The following LRRTM3 variants were observed in gnomAD, a reference collection of about 807,000 sequenced individuals.
LRRTM3 encodes the protein leucine rich repeat transmembrane neuronal 3.
A neutral mutation model predicts 44.7 loss-of-function variants in LRRTM3; 24 were observed. The observed-to-expected ratio is 0.54, with a 90% CI of 0.39 to 0.76. LRRTM3 has a LOEUF of 0.76. LRRTM3 is among the 30% of genes least tolerant of loss of function. The pLI, the probability that LRRTM3 is intolerant of heterozygous loss-of-function variation, is 0.00. For missense variants in LRRTM3, 587 were observed against 702.2 expected (o/e 0.84, Z 1.85); for synonymous variants, 277 against 278.7 (o/e 0.99, Z 0.06).
chr10:67,070,238 A>G (rs1175174394), intron 2 of LRRTM3, among the ~76,000 whole-genome samples: 2 of 151,784 alleles, frequency 1.3e-5, no homozygotes, highest in Admixed American at 6.6e-5. Context: ...TCACTTTTTT[A>G]TTGGATTGTC....
intron 2 of LRRTM3, among the ~76,000 whole-genome samples, chr10:67,079,773 G>A (rs1005559999): frequency 4.6e-5 from 7 of 151,772 alleles, no homozygotes; most frequent in East Asian, 1.9e-4. Context: ...TCTTGAACCC[G>A]GGAGGCGGAT....
intron 2 of LRRTM3, among the ~76,000 whole-genome samples, chr10:67,065,855 A>G (rs1345691986): frequency 1.3e-5 from 2 of 152,138 alleles, no homozygotes; most frequent in Non-Finnish European, 2.9e-5. Context: ...TCTTTGACAT[A>G]ATTCAGTAGG....
chr10:67,082,366 G>A (rs138418774), intron 2 of LRRTM3, among the ~76,000 whole-genome samples: 9 of 152,188 alleles, frequency 5.9e-5, no homozygotes, highest in African/African-American at 1.4e-4. Flanking sequence ...CACAAATTGC[G>A]ATTTCGCTAG....
chr10:67,085,214 C>G (rs17280801), intron 2 of LRRTM3, among the ~76,000 whole-genome samples: 1,832 of 151,854 alleles, frequency 0.012, 32 homozygotes, highest in South Asian at 0.045. Context: ...TTGTTTTGAT[C>G]AAAGCCATAG....
intron 2 of LRRTM3, among the ~76,000 whole-genome samples, chr10:66,958,940 T>C (rs1848976741): frequency 6.6e-6 from 1 of 152,160 alleles, no homozygotes; most frequent in Non-Finnish European, 1.5e-5. Flanking sequence ...CTTGTCCAAG[T>C]AGTTACGCTT....
At chr10:67,033,735 TTC>T (rs1321723700) in intron 2 of LRRTM3, among the ~76,000 whole-genome samples, 1 of 152,160 alleles carries the variant, frequency 6.6e-6, no homozygotes, top group Non-Finnish European at 1.5e-5. Flanking sequence ...AGTAGCCCAC[TTC>T]TAGAATCTGC....
intron 2 of LRRTM3, among the ~76,000 whole-genome samples, chr10:66,979,205 C>T (rs1394711077): frequency 2.0e-5 from 3 of 151,762 alleles, no homozygotes; most frequent in African/African-American, 7.3e-5. Flanking sequence ...TGACCTCTAG[C>T]GATCTGCCTG....
At chr10:66,940,634 G>T in intron 2 of LRRTM3, among the ~76,000 whole-genome samples, 1 of 152,088 alleles carries the variant, frequency 6.6e-6, no homozygotes, top group Admixed American at 6.6e-5. Flanking sequence ...ATTTCCAGAG[G>T]TCAAATTTGC....
At chr10:66,991,325 G>T (rs558162267) in intron 2 of LRRTM3, among the ~76,000 whole-genome samples, 1 of 152,010 alleles carries the variant, frequency 6.6e-6, no homozygotes, top group East Asian at 1.9e-4. Context: ...GAATTAGTTT[G>T]CTTTTCTGAA....
chr10:67,090,812 C>A (rs1358183089), intron 2 of LRRTM3, among the ~76,000 whole-genome samples: 2 of 152,014 alleles, frequency 1.3e-5, no homozygotes, highest in Non-Finnish European at 2.9e-5. Flanking sequence ...CTGCAGAAAT[C>A]CTAAAGAAAC....
intron 2 of LRRTM3, chr10:67,054,641 T>A (rs993460130): frequency 3.9e-5 from 6 of 152,282 alleles, no homozygotes; most frequent in African/African-American, 1.4e-4. Flanking sequence ...GTATTTCCAA[T>A]GGCGGGAGAC....
intron 2 of LRRTM3, among the ~76,000 whole-genome samples, chr10:67,030,872 C>T (rs948553333): frequency 4.6e-5 from 7 of 152,014 alleles, no homozygotes; most frequent in Non-Finnish European, 5.9e-5. Context: ...GGTGTGGTGG[C>T]GGGAGTCTGT....
intron 2 of LRRTM3, among the ~76,000 whole-genome samples, chr10:67,052,924 T>C (rs1342831303): frequency 6.6e-6 from 1 of 152,198 alleles, no homozygotes; most frequent in Non-Finnish European, 1.5e-5. Context: ...TAGTACTCAT[T>C]TGGCTCACCT....
intron 2 of LRRTM3, among the ~76,000 whole-genome samples, chr10:66,972,284 T>C (rs1849762774): frequency 6.6e-6 from 1 of 152,120 alleles, no homozygotes; most frequent in Non-Finnish European, 1.5e-5. Context: ...CCACATGACA[T>C]AATCAGCTCA....
Position 67,101,336 on chromosome 10 carries a change from T to A in LRRTM3, c.*3540T>A, listed in dbSNP as rs1286286137. On this transcript the variant is annotated 3_prime_UTR_variant, in exon 3 of 3. Coordinates refer to ENST00000361320, the MANE Select transcript of LRRTM3 (RefSeq NM_178011.5). ...CTTTGTCAACTGAACACATGTTCAATTCGGAGCTAATTGGGAAGACTTACA... is the reference window on the plus strand; with the variant it reads ...CTTTGTCAACTGAACACATGTTCAAATCGGAGCTAATTGGGAAGACTTACA... 1.3e-5 allele frequency among the ~76,000 whole-genome samples: 2 copies of A among 151,794 alleles called. No homozygotes were observed. Among genetic ancestry groups the A allele is most frequent in the African/African-American group, 4.8e-5 (2 of 41,396 alleles).
chr10:66,929,527 G>C (rs1847253315), intron 2 of LRRTM3, among the ~76,000 whole-genome samples: 2 of 152,126 alleles, frequency 1.3e-5, no homozygotes, highest in African/African-American at 4.8e-5. Context: ...TGTGTAAAGA[G>C]AACACATTCC....
intron 2 of LRRTM3, among the ~76,000 whole-genome samples, chr10:67,008,421 G>A (rs1852131882): frequency 6.6e-6 from 1 of 152,002 alleles, no homozygotes; most frequent in Non-Finnish European, 1.5e-5. Flanking sequence ...TGTTTGTCTT[G>A]ATTCACCTCT....
intron 2 of LRRTM3, among the ~76,000 whole-genome samples, chr10:67,040,208 A>T (rs1391151049): frequency 1.3e-5 from 2 of 152,174 alleles, no homozygotes; most frequent in Non-Finnish European, 1.5e-5. Context: ...CTGAAGACAC[A>T]GGTGTTCTCT....
In LRRTM3 at chr10:67,098,100, T is replaced by C. The variant is rs1858126400; in HGVS notation, c.*304T>C. On this transcript the variant is annotated 3_prime_UTR_variant, in exon 3 of 3. Transcript: ENST00000361320. ...ACCTGTAAAAACTGTACAAAGCTAATGTATTTTTCATATTGTAAAGTTTCA... is the reference window on the plus strand; with the variant it reads ...ACCTGTAAAAACTGTACAAAGCTAACGTATTTTTCATATTGTAAAGTTTCA... The C allele has an allele frequency of 8.7e-6, 3 of 343,796 alleles. No homozygotes were observed. The highest frequency in any genetic ancestry group is 6.8e-5 in the South Asian group (2 of 29,378). The allele number at this position is 343,796 out of a possible 1,614,324, so 21.3% of individuals were successfully genotyped here. A position where few individuals can be genotyped will look rare whatever the true frequency, so the allele number is the denominator to read the frequency against.
Sources: allele counts gnomAD v4.1 joint callset (sites outside exome capture counted in the v4.1 genomes callset), GRCh38; gene constraint gnomAD v4.1.1; transcripts MANE v1.5; gene names NCBI Gene and HGNC (gene_info 2026-07-23, HGNC 2026-07-21).